The following NRXN3 variants were observed in gnomAD, a reference collection of about 807,000 sequenced individuals.
NRXN3 encodes the protein neurexin III.
In NRXN3, 32 loss-of-function variants were observed where a neutral mutation model predicts 137.6. That is an observed-to-expected ratio of 0.23 (90% CI 0.18 to 0.31). The LOEUF (loss-of-function observed/expected upper bound fraction) is 0.31, where lower values mean the gene tolerates loss of function less well. NRXN3 is among the 10% of genes least tolerant of loss of function. NRXN3 has a pLI of 1.00. For synonymous variants in NRXN3, 798 were observed against 784.5 expected (o/e 1.02, Z -0.29); for missense variants, 1,574 against 2,062.5 (o/e 0.76, Z 4.59).
intron 4 of NRXN3, among the ~76,000 whole-genome samples, chr14:78,472,751 AGG>A (rs948334754): frequency 6.6e-6 from 1 of 152,124 alleles, no homozygotes; most frequent in African/African-American, 2.4e-5. Flanking sequence ...ATTTTGGGAA[AGG>A]GGCCTATTTT....
At chr14:79,183,522 G>T (rs1270205894) in intron 15 of NRXN3, among the ~76,000 whole-genome samples, 1 of 152,188 alleles carries the variant, frequency 6.6e-6, no homozygotes, top group Non-Finnish European at 1.5e-5. Context: ...TGAGTAGTGG[G>T]AAATCTTGAT....
chr14:79,760,069 T>C (rs1289976671), intron 19 of NRXN3, among the ~76,000 whole-genome samples: 1 of 151,658 alleles, frequency 6.6e-6, no homozygotes, highest in African/African-American at 2.4e-5. Context: ...AATACATATA[T>C]ATACTATGTG....
At chr14:79,852,234 A>ACACACAC (rs1555793046) in intron 20 of NRXN3, among the ~76,000 whole-genome samples, 3 of 128,184 alleles carry the variant, frequency 2.3e-5, no homozygotes, top group African/African-American at 5.8e-5. Flanking sequence ...TTCAACTCCC[A>ACACACAC]ACACACACAC....
rs141340825 is a variant in NRXN3 at position 79,776,419 on chromosome 14, C to T, written c.4015-28693C>T. On this transcript the variant is annotated intron_variant, in intron 19 of 20. Coordinates refer to ENST00000335750, the MANE Select transcript of NRXN3 (RefSeq NM_001330195.2). ...CCATGCTTCATTTACCTAAATGAGG[C>T]CACAAGGCTCTGTGATCACGTGGCA... is the stretch of plus-strand genomic sequence containing the variant. Among the ~76,000 whole-genome samples the T allele has an allele frequency of 5.5e-3, 837 of 152,236 alleles. 5 individuals are homozygous for T. Among genetic ancestry groups the T allele is most frequent in the Middle Eastern group, 0.014 (4 of 294 alleles).
At chr14:79,452,988 T>C (rs1369722490) in intron 15 of NRXN3, among the ~76,000 whole-genome samples, 1 of 152,244 alleles carries the variant, frequency 6.6e-6, no homozygotes, top group Non-Finnish European at 1.5e-5. Context: ...ATTTGTTTAA[T>C]GAATAATGAA....
At chr14:79,173,863 T>C (rs1424927987) in intron 15 of NRXN3, among the ~76,000 whole-genome samples, 1 of 152,080 alleles carries the variant, frequency 6.6e-6, no homozygotes, top group African/African-American at 2.4e-5. Flanking sequence ...CTTCTCCACC[T>C]TAAGGCAGGA....
At chr14:79,388,104 A>T (rs1295156161) in intron 15 of NRXN3, among the ~76,000 whole-genome samples, 1 of 148,602 alleles carries the variant, frequency 6.7e-6, no homozygotes, top group Non-Finnish European at 1.5e-5. Flanking sequence ...AAGTATAATA[A>T]AAAAAAAAGT....
At chr14:79,317,379 C>G (rs1448222564) in intron 15 of NRXN3, among the ~76,000 whole-genome samples, 2 of 152,188 alleles carry the variant, frequency 1.3e-5, no homozygotes, top group Non-Finnish European at 2.9e-5. Context: ...TGATCACGGC[C>G]TTGTTGTCAC....
At chr14:78,911,112 A>G (rs528943737) in intron 10 of NRXN3, among the ~76,000 whole-genome samples, 16 of 152,208 alleles carry the variant, frequency 1.1e-4, no homozygotes, top group Non-Finnish European at 2.2e-4. Flanking sequence ...TGTTTGCTAC[A>G]TATGAAGCAC....
intron 4 of NRXN3, chr14:78,300,775 A>C: frequency 2.2e-6 from 2 of 891,010 alleles, no homozygotes; most frequent in East Asian, 5.3e-5. Context: ...GTCGATTCTG[A>C]ATACAGTCCA....
chr14:79,810,113 T>C (rs748642011), intron 20 of NRXN3, among the ~76,000 whole-genome samples: 1 of 152,128 alleles, frequency 6.6e-6, no homozygotes, highest in Non-Finnish European at 1.5e-5. Context: ...TTTGTATAAT[T>C]AGATATGATC....
At chr14:78,997,016 T>G (rs1379187340) in intron 15 of NRXN3, among the ~76,000 whole-genome samples, 1 of 152,118 alleles carries the variant, frequency 6.6e-6, no homozygotes, top group Non-Finnish European at 1.5e-5. Flanking sequence ...CCATCAATAT[T>G]AAGAAGGGAT....
At chr14:78,378,189 G>T (rs1233502395) in intron 4 of NRXN3, among the ~76,000 whole-genome samples, 1 of 152,130 alleles carries the variant, frequency 6.6e-6, no homozygotes, top group African/African-American at 2.4e-5. Flanking sequence ...GAAGTTTCAA[G>T]AAATCAAATA....
intron 11 of NRXN3, among the ~76,000 whole-genome samples, chr14:78,963,740 G>A (rs1382223057): frequency 6.6e-6 from 1 of 152,098 alleles, no homozygotes. Context: ...CTGCATAGAA[G>A]CTCATAACAT....
chr14:78,532,734 C>A (rs1004595958), intron 4 of NRXN3, among the ~76,000 whole-genome samples: 3 of 150,082 alleles, frequency 2.0e-5, no homozygotes, highest in African/African-American at 7.3e-5. Context: ...TCTTCGCTTT[C>A]TTCTTCTTTT....
intron 15 of NRXN3, among the ~76,000 whole-genome samples, chr14:79,376,713 A>G (rs73327707): frequency 0.027 from 4,037 of 152,216 alleles, 182 homozygotes; most frequent in African/African-American, 0.092. Flanking sequence ...GTATTAGATA[A>G]AATGTCTCTT....
At chr14:78,790,139 T>C (rs534272428) in intron 8 of NRXN3, among the ~76,000 whole-genome samples, 14 of 151,960 alleles carry the variant, frequency 9.2e-5, no homozygotes, top group Middle Eastern at 3.4e-3. Flanking sequence ...GTGGTAAAAA[T>C]TGCTATTTAA....
intron 8 of NRXN3, among the ~76,000 whole-genome samples, chr14:78,749,669 A>T (rs558886715): frequency 4.5e-4 from 68 of 152,228 alleles, no homozygotes; most frequent in Non-Finnish European, 8.4e-4. Flanking sequence ...CTTTGGGAAT[A>T]GAGAAATGGC....
chr14:78,827,638 G>GA (rs1224040013), intron 10 of NRXN3, among the ~76,000 whole-genome samples: 1 of 152,180 alleles, frequency 6.6e-6, no homozygotes, highest in Non-Finnish European at 1.5e-5. Context: ...ATGTCTTGCT[G>GA]AAAAAAATAA....
Sources: allele counts gnomAD v4.1 joint callset (sites outside exome capture counted in the v4.1 genomes callset), GRCh38; gene constraint gnomAD v4.1.1; transcripts MANE v1.5; gene names NCBI Gene and HGNC (gene_info 2026-07-23, HGNC 2026-07-21).